The following GUCY2F variants were observed in gnomAD, a reference collection of about 807,000 sequenced individuals.
The protein encoded by GUCY2F is retinal guanylyl cyclase 2.
Under a neutral mutation model 73.1 loss-of-function variants are expected in GUCY2F, and 61 were observed. The ratio of observed to expected loss-of-function variants is 0.83; its 90% confidence interval spans 0.68 to 1.03. The LOEUF is 1.03. GUCY2F is among the 50% of genes least tolerant of loss of function. The pLI, the probability that GUCY2F is intolerant of heterozygous loss-of-function variation, is 0.00. For missense variants in GUCY2F, 912 were observed against 854.3 expected (o/e 1.07, Z -0.84); for synonymous variants, 331 against 307.8 (o/e 1.08, Z -0.79).
At chrX:109,427,326 T>C (rs1182341833) in intron 8 of GUCY2F, among the ~76,000 whole-genome samples, 6 of 112,430 alleles carry the variant, frequency 5.3e-5, no homozygotes, top group Admixed American at 9.4e-5. Context: ...ATACTTTCCA[T>C]TTGCCTTTAT....
chrX:109,391,193 A>C, intron 14 of GUCY2F, among the ~76,000 whole-genome samples: 1 of 111,901 alleles, frequency 8.9e-6, no homozygotes, highest in East Asian at 2.9e-4. Context: ...TATGTAAAAA[A>C]AGGTAAGGAG....
chrX:109,411,620 TG>T (rs1003406205), intron 8 of GUCY2F, among the ~76,000 whole-genome samples: 1 of 111,549 alleles, frequency 9.0e-6, no homozygotes, highest in African/African-American at 3.3e-5. Flanking sequence ...AAAGCACATT[TG>T]GGGGTGGAAA....
At chrX:109,409,255 C>A in intron 8 of GUCY2F, 87 bp from the exon 9 acceptor site, 1 of 492,504 alleles carries the variant, frequency 2.0e-6, no homozygotes, top group East Asian at 3.5e-5. Context: ...TCTCTTGACC[C>A]TTCTTATGAT....
At chrX:109,386,344 G>C (rs1420664842) in intron 15 of GUCY2F, among the ~76,000 whole-genome samples, 3 of 111,511 alleles carry the variant, frequency 2.7e-5, no homozygotes, top group African/African-American at 9.8e-5. Context: ...GGGTCCAGTG[G>C]AGAAGGTAGG....
intron 5 of GUCY2F, among the ~76,000 whole-genome samples, chrX:109,448,516 C>T (rs1199348814): frequency 3.6e-5 from 4 of 112,291 alleles, no homozygotes; most frequent in Non-Finnish European, 7.5e-5. Context: ...TTAAGGAACT[C>T]AACACCCTTT....
At chrX:109,460,339 A>C (rs1932337577) in intron 3 of GUCY2F, among the ~76,000 whole-genome samples, 1 of 111,646 alleles carries the variant, frequency 9.0e-6, no homozygotes, top group African/African-American at 3.3e-5. Flanking sequence ...TAGCATCAGA[A>C]ATAAACAGAA....
intron 3 of GUCY2F, 22 bp from the exon 4 acceptor site, chrX:109,453,881 A>G: frequency 1.0e-6 from 1 of 963,656 alleles, no homozygotes; most frequent in Non-Finnish European, 1.4e-6. Context: ...AATTACAATT[A>G]TCTTGAGCCC....
chrX:109,460,037 T>C (rs975646345), intron 3 of GUCY2F, among the ~76,000 whole-genome samples: 2 of 111,331 alleles, frequency 1.8e-5, no homozygotes, highest in African/African-American at 6.5e-5. Context: ...TCTTAAGAAT[T>C]AGTAAAAGTG....
In GUCY2F at chrX:109,475,844, C is replaced by G; in HGVS notation, c.93G>C (p.Lys31Asn). 1 of 1,211,161 alleles carries G rather than the reference C, an allele frequency of 8.3e-7. No individual in the cohort carries two copies. Among genetic ancestry groups the G allele is most frequent in the Non-Finnish European group, 1.1e-6 (1 of 895,262 alleles). ...ACAGAAGGCACAAGCACCACAGGAA[C>G]TTGGCAGATGCAAGGCCATGGTGTC... is the stretch of plus-strand genomic sequence containing the variant. ...LLGHHGLASA[K>N]FLWCLCLLSV... The change falls in exon 2 of 20, where the codon AAG becomes AAC. Residue 31 changes from lysine to asparagine, a missense_variant. By Grantham distance (94) the Lys-to-Asn change is moderately conservative (BLOSUM62 0). Transcript: ENST00000218006.
intron 3 of GUCY2F, 75 bp from the exon 4 acceptor site, chrX:109,453,934 T>C (rs986794020): frequency 5.4e-6 from 3 of 556,420 alleles, no homozygotes; most frequent in Admixed American, 3.9e-5. Flanking sequence ...CAAGCCTGTG[T>C]TCATTATTAT....
In GUCY2F at chrX:109,411,872, C is replaced by T. The variant is rs190834076; in HGVS notation, c.1792-2704G>A. Among the ~76,000 whole-genome samples the T allele has an allele frequency of 5.9e-3, 653 of 111,247 alleles. 3 individuals are homozygous for T. Among genetic ancestry groups the T allele is most frequent in the African/African-American group, 0.02 (615 of 30,620 alleles). On this transcript the variant is annotated intron_variant, in intron 8 of 19. Transcript: ENST00000218006. ...AAAGGAAACATCAACATTTGAAGAG[C>T]GGGAAAAGGAAGAACAGCCTGCAAT... is the stretch of plus-strand genomic sequence containing the variant.
At chrX:109,385,449 C>G (rs1930414475) in intron 15 of GUCY2F, among the ~76,000 whole-genome samples, 167 bp from the exon 16 acceptor site, 1 of 112,474 alleles carries the variant, frequency 8.9e-6, no homozygotes, top group African/African-American at 3.2e-5. Flanking sequence ...ACTCTTTGCC[C>G]TACAAGAAAG....
intron 14 of GUCY2F, among the ~76,000 whole-genome samples, chrX:109,391,139 A>G (rs1437069656): frequency 1.8e-5 from 2 of 112,216 alleles, no homozygotes; most frequent in African/African-American, 6.5e-5. Flanking sequence ...GTCCCTGCAC[A>G]GCTATGAGAT....
intron 5 of GUCY2F, among the ~76,000 whole-genome samples, 180 bp from the exon 6 acceptor site, chrX:109,448,345 G>A (rs1932068913): frequency 1.8e-5 from 2 of 111,409 alleles, no homozygotes; most frequent in African/African-American, 3.3e-5. Flanking sequence ...ACCCTGGCCC[G>A]CACAACTTGC....
In GUCY2F at chrX:109,471,314, C is replaced by T. The variant is rs138507894; in HGVS notation, c.730+3893G>A. ...AGCACAGGGCTGATCAGCAAGAAGG[C>T]GAGGAGAAGAGAGGGCTTAGAATAG... On this transcript the variant is annotated intron_variant, in intron 2 of 19. Transcript: ENST00000218006. Among the ~76,000 whole-genome samples, 258 of 112,150 alleles carry T rather than the reference C, an allele frequency of 2.3e-3. 1 individual carries two copies. Among genetic ancestry groups the T allele is most frequent in the African/African-American group, 7.4e-3 (229 of 30,880 alleles).
In GUCY2F at chrX:109,385,295, A is replaced by C; in HGVS notation, c.2957-13T>G. ...GCAACAACCGGCCCTATAGAGTATC[A>C]GGGGGTTGGAATTACAGTCAACAGG... On this transcript the variant is annotated splice_polypyrimidine_tract_variant and intron_variant, in intron 15 of 19. Coordinates refer to ENST00000218006, the MANE Select transcript of GUCY2F (RefSeq NM_001522.3). 3.0e-6 allele frequency: 3 copies of C among 992,975 alleles called. No individual in the cohort carries two copies. The allele number at this position is 992,975 out of a possible 1,213,427, so 81.8% of individuals were successfully genotyped here.
chrX:109,403,534 A>G (rs1412596511), intron 10 of GUCY2F, among the ~76,000 whole-genome samples: 1 of 112,038 alleles, frequency 8.9e-6, no homozygotes, highest in East Asian at 2.8e-4. Flanking sequence ...AGCTGATGAA[A>G]GAAACTGTCA....
At chrX:109,465,027 G>A in intron 3 of GUCY2F, 115 bp downstream of exon 3, 2 of 510,001 alleles carry the variant, frequency 3.9e-6, no homozygotes, top group Non-Finnish European at 6.7e-6. Flanking sequence ...ATTTGTCTGT[G>A]GTTGCCTGCC....
intron 12 of GUCY2F, among the ~76,000 whole-genome samples, chrX:109,394,981 G>A (rs1471063302): frequency 8.9e-6 from 1 of 112,109 alleles, no homozygotes; most frequent in African/African-American, 3.2e-5. Context: ...GCTCTGTGAG[G>A]AGCCCCATCT....
Sources: gnomAD v4.1 joint callset for allele counts (sites outside exome capture counted in the v4.1 genomes callset) on GRCh38, gnomAD v4.1.1 for gene constraint, MANE v1.5 for transcripts, NCBI Gene and HGNC (gene_info 2026-07-23, HGNC 2026-07-21) for gene names.